Variants in MBD3 observed in about 807,000 individuals in gnomAD.
MBD3 encodes the protein methyl-CpG-binding domain protein 3.
MBD3 carries 13 observed loss-of-function variants against 31.2 expected under a neutral mutation model. The observed-to-expected ratio is 0.42, with a 90% CI of 0.27 to 0.66. The LOEUF (loss-of-function observed/expected upper bound fraction) is 0.66, where lower values mean the gene tolerates loss of function less well. Ranked by LOEUF, MBD3 falls within the 30% of genes least tolerant of loss-of-function variation. The pLI is 0.26. For synonymous variants in MBD3, 223 were observed against 187.4 expected (o/e 1.19, Z -1.55); for missense variants, 440 against 426.5 (o/e 1.03, Z -0.28).
At chr19:1,584,757 CCCCCTGCTTTGCCGGCG>C in intron 2 of MBD3, 80 bp from the exon 3 acceptor site, 1 of 1,447,608 alleles carries the variant, frequency 6.9e-7, no homozygotes, top group Non-Finnish European at 9.3e-7. Context: ...GCCCGGGTGA[CCCCCTGCTTTGCCGGCG>C]CCCCTCGTGT....
chr19:1,584,424 G>A, intron 3 of MBD3, 116 bp downstream of exon 3: 3 of 1,473,376 alleles, frequency 2.0e-6, no homozygotes, highest in South Asian at 2.3e-5. Flanking sequence ...GCCCAGGCTA[G>A]CCTGGAACTC....
Position 1,592,611 on chromosome 19 carries a change from C to G in MBD3, c.21G>C (p.Glu7Asp). MERKRW[E>D]CPALPQGWER... is the part of the protein sequence containing the mutation. Reference sequence around the variant, plus strand: ...CCCAGCCCTGCGGGAGCGCCGGGCACTCCCACCTCTTCCGCTCCATTGCGC... The same window carrying G: ...CCCAGCCCTGCGGGAGCGCCGGGCAGTCCCACCTCTTCCGCTCCATTGCGC... The change falls in exon 1 of 7, where the codon GAG becomes GAC. Residue 7 changes from glutamate to aspartate, a missense_variant. Coordinates refer to ENST00000434436, the MANE Select transcript of MBD3 (RefSeq NM_001281453.2). The G allele has an allele frequency of 7.2e-7, 1 of 1,386,752 alleles. No homozygotes were observed. Among genetic ancestry groups the G allele is most frequent in the South Asian group, 1.3e-5 (1 of 79,670 alleles). The allele number at this position is 1,386,752 out of a possible 1,614,324, so 85.9% of individuals were successfully genotyped here.
chr19:1,581,929 G>A (rs1014525357), intron 4 of MBD3, among the ~76,000 whole-genome samples: 10 of 151,952 alleles, frequency 6.6e-5, no homozygotes, highest in Non-Finnish European at 1.0e-4. Context: ...CACTACACCC[G>A]GCTAATTTTT....
rs1917173967 is a variant in MBD3 at position 1,576,173 on chromosome 19, C to CA, written c.*1990dup. ...ACAGTGGGAGATGGGAAGAGGGAAA[C>CA]AGAGTGTCTCTGAGTGCCGGGCAGA... On this transcript the variant is annotated 3_prime_UTR_variant, in exon 7 of 7. Coordinates refer to ENST00000434436, the MANE Select transcript of MBD3 (RefSeq NM_001281453.2). The CA allele has an allele frequency of 6.6e-6, 1 of 152,546 alleles. No individual in the cohort carries two copies. The highest frequency in any genetic ancestry group is 1.5e-5 in the Non-Finnish European group (1 of 68,322). 9.4% of individuals were successfully genotyped at this position (152,546 alleles called of 1,614,324 possible).
Position 1,581,233 on chromosome 19 carries a change from G to A in MBD3, c.536C>T (p.Ser179Leu), listed in dbSNP as rs1157020187. 17 of 1,611,942 alleles carry A rather than the reference G, an allele frequency of 1.1e-5. No individual in the cohort carries two copies. The highest frequency in any genetic ancestry group is 1.4e-5 in the Non-Finnish European group (16 of 1,179,986). ...GPGCTDETLL[S>L]AIASALHTST... ...AGTGTGCAGGGCGCTGGCGATGGCC[G>A]ACAGCAGCGTCTCATCCGTGCAGCC... Residue 179 changes from serine (S) to leucine (L), a missense_variant, in exon 5 of 7, where the codon TCG (serine) becomes TTG (leucine). Ser to Leu is a moderately radical substitution (Grantham distance 145). This residue lies in a region of MBD3 where 144 missense variants were observed against 196.9 expected (regional missense o/e 0.73). Transcript: ENST00000434436.
In MBD3 at chr19:1,578,202, G is replaced by A. The variant is rs542308035; in HGVS notation, c.*6-44C>T. ...GCTGGCTTTAGCGACTCCACGGGACGGGGACGCTTGGGCTCTTCTAGGGAG... is the reference window on the plus strand; with the variant it reads ...GCTGGCTTTAGCGACTCCACGGGACAGGGACGCTTGGGCTCTTCTAGGGAG... On this transcript the variant is annotated intron_variant, in intron 6 of 6. Transcript: ENST00000434436. This position sits in a 1 kb window ranked among gnomAD's most constrained non-coding sequence, Gnocchi z 6.1. 3.9e-5 allele frequency: 54 copies of A among 1,391,536 alleles called. No individual in the cohort carries two copies. Among genetic ancestry groups the A allele is most frequent in the African/African-American group, 9.9e-5 (7 of 70,700 alleles). The allele number at this position is 1,391,536 out of a possible 1,614,324, so 86.2% of individuals were successfully genotyped here.
chr19:1,591,687 T>C (rs865798760), intron 1 of MBD3, among the ~76,000 whole-genome samples: 125 of 149,422 alleles, frequency 8.4e-4, no homozygotes, highest in African/African-American at 2.6e-3. Flanking sequence ...AAAGCATCTT[T>C]CCCGAGCCAG....
Position 1,585,450 on chromosome 19 carries a change from A to C in MBD3, c.111-236T>G. ...CCAGCACCCCACAACTGGCCCCTAG[A>C]TCTGGGCGCCAGCCAGACCCAGAGC... On this transcript the variant is annotated intron_variant, in intron 1 of 6. Transcript: ENST00000434436. The surrounding 1 kb of genome is among the most constrained non-coding windows in gnomAD (Gnocchi z 4.1). The C allele has an allele frequency of 3.7e-6, 2 of 537,098 alleles. No homozygotes were observed. The highest frequency in any genetic ancestry group is 6.7e-6 in the Non-Finnish European group (2 of 297,186). 33.3% of individuals were successfully genotyped at this position (537,098 alleles called of 1,614,324 possible).
chr19:1,582,181 T>C (rs529930677), intron 4 of MBD3, among the ~76,000 whole-genome samples: 1 of 151,878 alleles, frequency 6.6e-6, no homozygotes, highest in East Asian at 1.9e-4. Flanking sequence ...GGATTATAGG[T>C]GTGAGCCACT....
At chr19:1,591,693 G>A (rs1285368438) in intron 1 of MBD3, among the ~76,000 whole-genome samples, 1 of 150,344 alleles carries the variant, frequency 6.7e-6, no homozygotes, top group Non-Finnish European at 1.5e-5. Context: ...TCTTTCCCGA[G>A]CCAGGAAAAA....
At chr19:1,589,395 G>C (rs2060693982) in intron 1 of MBD3, among the ~76,000 whole-genome samples, 1 of 147,744 alleles carries the variant, frequency 6.8e-6, no homozygotes, top group Non-Finnish European at 1.5e-5. Flanking sequence ...GCTTTCATCT[G>C]TAATCCCAGC....
At chr19:1,582,555 G>A in intron 4 of MBD3, 67 bp downstream of exon 4, 1 of 1,455,726 alleles carries the variant, frequency 6.9e-7, no homozygotes, top group Admixed American at 1.8e-5. Context: ...AGGAGATGAG[G>A]GCACCTGCAG....
chr19:1,586,388 A>AGT (rs2060679358), intron 1 of MBD3: 1 of 152,324 alleles, frequency 6.6e-6, no homozygotes, highest in Admixed American at 6.5e-5. Context: ...AAGGCCACAC[A>AGT]GTGTGTGATC....
Position 1,592,515 on chromosome 19 carries a change from C to T in MBD3, c.110+7G>A, listed in dbSNP as rs1328985547. The T allele has an allele frequency of 2.9e-6, 4 of 1,394,840 alleles. No homozygotes were observed. The highest frequency in any genetic ancestry group is 7.7e-5 in the East Asian group (2 of 26,030). 86.4% of individuals were successfully genotyped at this position (1,394,840 alleles called of 1,614,324 possible). A position where few individuals can be genotyped will look rare whatever the true frequency, so the allele number is the denominator to read the frequency against. On this transcript the variant is annotated splice_region_variant and intron_variant, in intron 1 of 6. Coordinates refer to ENST00000434436, the MANE Select transcript of MBD3 (RefSeq NM_001281453.2). ...TGAGGCCCTGCGCGGCCGGCGCGCT[C>T]ATTCACCTATAGTAAAAGACATCCC...
chr19:1,589,602 G>A (rs184550714), intron 1 of MBD3, among the ~76,000 whole-genome samples: 3 of 152,270 alleles, frequency 2.0e-5, no homozygotes, highest in African/African-American at 7.2e-5. Context: ...GCAGTCAGCC[G>A]AGATTGCACC....
rs1439932529 is a variant in MBD3 at position 1,585,279 on chromosome 19, G to GCAGACC, written c.111-71_111-66dup. On this transcript the variant is annotated intron_variant, in intron 1 of 6. Transcript: ENST00000434436. This position sits in a 1 kb window ranked among gnomAD's most constrained non-coding sequence, Gnocchi z 4.1. ...CAGACCCCAAACCCAGGCCTCGGCC[G>GCAGACC]CAGACCCAAACCCAGTCCCAGCCCC... The GCAGACC allele has an allele frequency of 2.0e-6, 3 of 1,511,708 alleles. No individual in the cohort carries two copies. Among genetic ancestry groups the GCAGACC allele is most frequent in the African/African-American group, 2.8e-5 (2 of 72,248 alleles). The allele number at this position is 1,511,708 out of a possible 1,614,324, so 93.6% of individuals were successfully genotyped here.
rs2060663844 is a variant in MBD3 at position 1,583,636 on chromosome 19, T to A, written c.408+904A>T. Among the ~76,000 whole-genome samples the A allele has an allele frequency of 5.9e-5, 9 of 151,804 alleles. 1 individual carries two copies. The South Asian group carries it at 1.7e-3, about 28-fold the overall frequency. On this transcript the variant is annotated intron_variant, in intron 3 of 6. Coordinates refer to ENST00000434436, the MANE Select transcript of MBD3 (RefSeq NM_001281453.2). The stretch of plus-strand genomic sequence containing the variant: ...AGTTTTGGAGGCCAAGGTGGGAGGA[T>A]CACTTGAGGCCAGGAGCCTGAGACC...
chr19:1,579,535 A>G (rs1250747218), intron 5 of MBD3, among the ~76,000 whole-genome samples: 1 of 151,968 alleles, frequency 6.6e-6, no homozygotes, highest in Non-Finnish European at 1.5e-5. Flanking sequence ...GTCCCAGGCA[A>G]AGCTGACTTT....
chr19:1,580,448 T>C (rs898010048), intron 5 of MBD3, among the ~76,000 whole-genome samples: 2 of 152,230 alleles, frequency 1.3e-5, no homozygotes, highest in African/African-American at 4.8e-5. Flanking sequence ...GCTCCTTCTT[T>C]CTGGAACCGT....
Sources: allele counts gnomAD v4.1 joint callset (sites outside exome capture counted in the v4.1 genomes callset), GRCh38; gene constraint gnomAD v4.1.1; regional missense constraint gnomAD v4.1.1; non-coding constraint Gnocchi (gnomAD v3.1); transcripts MANE v1.5; gene names NCBI Gene and HGNC (gene_info 2026-07-23, HGNC 2026-07-21).